The following A2ML1 variants were observed in gnomAD, a reference collection of about 807,000 sequenced individuals.
A2ML1 encodes the protein alpha-2-macroglobulin-like protein 1.
In A2ML1, 161 loss-of-function variants were observed where a neutral mutation model predicts 181.9. That is an observed-to-expected ratio of 0.89 (90% CI 0.78 to 1.01). The LOEUF (loss-of-function observed/expected upper bound fraction) is 1.01. A2ML1 is among the 50% of genes least tolerant of loss of function. The pLI is 0.00. For synonymous variants in A2ML1, 663 were observed against 666.8 expected, an observed-to-expected ratio of 0.99 and a Z score of 0.09; for missense variants, 1,670 against 1,768.1, an observed-to-expected ratio of 0.94 and a Z score of 1.00.
At chr12:8,829,656 A>AG in intron 3 of A2ML1, 71 bp from the exon 4 acceptor site, 1 of 308,094 alleles carries the variant, frequency 3.2e-6, no homozygotes. Flanking sequence ...CCCTGTATCA[A>AG]AAAAAAAAAA....
chr12:8,872,308 T>G (rs73236254), intron 33 of A2ML1, among the ~76,000 whole-genome samples: 7,040 of 152,190 alleles, frequency 0.046, 516 homozygotes, highest in African/African-American at 0.16. Flanking sequence ...TTTGTTTCAG[T>G]GTCCCTTTAT....
chr12:8,853,764 A>G (rs1990478), intron 20 of A2ML1, among the ~76,000 whole-genome samples: 66,810 of 152,058 alleles, frequency 0.44, 15,410 homozygotes, highest in East Asian at 0.76. Flanking sequence ...AAAGGGGTGC[A>G]CCCAAGATGG....
At chr12:8,874,561 C>A in intron 34 of A2ML1, 34 bp downstream of exon 34, 2 of 1,513,228 alleles carry the variant, frequency 1.3e-6, no homozygotes, top group Non-Finnish European at 1.8e-6. Flanking sequence ...GATCTGAGAT[C>A]TTACCTGCAT....
intron 23 of A2ML1, among the ~76,000 whole-genome samples, 157 bp from the exon 24 acceptor site, chr12:8,857,007 T>C (rs1025347903): frequency 6.7e-6 from 1 of 149,884 alleles, no homozygotes; most frequent in Non-Finnish European, 1.5e-5. Context: ...CGGCCTCCCA[T>C]ACTGCTGGAA....
intron 23 of A2ML1, among the ~76,000 whole-genome samples, chr12:8,856,898 C>CCTT: frequency 8.0e-6 from 1 of 124,972 alleles, no homozygotes; most frequent in South Asian, 2.7e-4. Context: ...ACAGTAGGTA[C>CCTT]TTTTTTTTTT....
chr12:8,880,192 C>T (rs1043098277), downstream of A2ML1, among the ~76,000 whole-genome samples: 1 of 133,258 alleles, frequency 7.5e-6, no homozygotes, highest in Non-Finnish European at 1.6e-5. Context: ...GGTGAAACCT[C>T]GTCTGTAGTA....
intron 14 of A2ML1, among the ~76,000 whole-genome samples, chr12:8,846,640 G>T (rs1943695886): frequency 6.6e-6 from 1 of 151,982 alleles, no homozygotes; most frequent in African/African-American, 2.4e-5. Context: ...GTGAAACCGT[G>T]TCTCTACTAA....
At chr12:8,829,899 C>A in intron 4 of A2ML1, 120 bp downstream of exon 4, 1 of 1,203,890 alleles carries the variant, frequency 8.3e-7, no homozygotes, top group Non-Finnish European at 1.2e-6. Context: ...GGGTTGGAGA[C>A]TGCTGTGTGC....
At chr12:8,849,380 C>T (rs1339587133) in intron 16 of A2ML1, among the ~76,000 whole-genome samples, 1 of 152,138 alleles carries the variant, frequency 6.6e-6, no homozygotes, top group Non-Finnish European at 1.5e-5. Flanking sequence ...GGTCCCTACC[C>T]TCAGCATGTT....
chr12:8,854,976 C>A (rs1944015046), intron 22 of A2ML1, 145 bp downstream of exon 22: 3 of 799,478 alleles, frequency 3.8e-6, no homozygotes, highest in Non-Finnish European at 6.0e-6. Context: ...CTCATTGCAA[C>A]CTCTGCCTCC....
intron 15 of A2ML1, among the ~76,000 whole-genome samples, chr12:8,848,137 A>T (rs1456289026): frequency 6.6e-6 from 1 of 150,960 alleles, no homozygotes; most frequent in Non-Finnish European, 1.5e-5. Flanking sequence ...TCAAAAACAA[A>T]AAAAAAAAAA....
intron 12 of A2ML1, chr12:8,844,937 T>G: frequency 7.9e-7 from 1 of 1,260,844 alleles, no homozygotes; most frequent in Non-Finnish European, 1.0e-6. Context: ...GATCACCGAG[T>G]TCTGTTTCAA....
chr12:8,846,240 A>G lies in A2ML1; in HGVS notation c.1683+18A>G, dbSNP rs1476469658. The G allele has an allele frequency of 1.9e-6, 3 of 1,613,246 alleles. No homozygotes were observed. The highest frequency in any genetic ancestry group is 2.5e-6 in the Non-Finnish European group (3 of 1,179,262). ...ACAATCAGGTAAAATGATAGCGGAG[A>G]AGGGTGAAGATAAAAGTTGGGCATA... On this transcript the variant is annotated intron_variant, in intron 14 of 35. Coordinates refer to ENST00000299698, the MANE Select transcript of A2ML1 (RefSeq NM_144670.6).
Position 8,855,591 on chromosome 12 carries a change from G to A in A2ML1, c.2847G>A (p.Leu949=), listed in dbSNP as rs763033326. ...PDSTKAYVTV[L]GDIMGTALQN... ...CGACCAAGGCTTATGTTACGGTTCTGGGTAAGCAGTTAGAGATTCTTGACT... is the reference window on the plus strand; with the variant it reads ...CGACCAAGGCTTATGTTACGGTTCTAGGTAAGCAGTTAGAGATTCTTGACT... The change falls in exon 23 of 36, where the codon CTG becomes CTA. Residue 949 remains leucine, a splice_region_variant and synonymous_variant. Coordinates refer to ENST00000299698, the MANE Select transcript of A2ML1 (RefSeq NM_144670.6). The A allele has an allele frequency of 6.2e-7, 1 of 1,614,096 alleles. No individual in the cohort carries two copies. The highest frequency in any genetic ancestry group is 1.7e-5 in the Admixed American group (1 of 60,006).
At chr12:8,822,980 G>C (rs773648442) in intron 1 of A2ML1, among the ~76,000 whole-genome samples, 3 of 152,176 alleles carry the variant, frequency 2.0e-5, no homozygotes, top group African/African-American at 7.2e-5. Context: ...ATGTGTGCTC[G>C]GTGAGGGCCT....
chr12:8,869,577 CT>C (rs574069966), intron 33 of A2ML1, among the ~76,000 whole-genome samples: 74 of 148,282 alleles, frequency 5.0e-4, no homozygotes, highest in South Asian at 2.1e-3. Context: ...TATCTACATT[CT>C]TTTTTTTTTT....
Position 8,833,500 on chromosome 12 carries a change from G to A in A2ML1, c.463-1162G>A, listed in dbSNP as rs770225498. ...CAACCTCCACTGTCCGGGTTCAAGT[G>A]ATTCTTCTGCCTCAGCCTCCGGAGT... On this transcript the variant is annotated intron_variant, in intron 4 of 35. Transcript: ENST00000299698. 5.3e-5 allele frequency among the ~76,000 whole-genome samples: 8 copies of A among 152,274 alleles called. No individual in the cohort carries two copies. The South Asian group carries it at 8.3e-4, about 16-fold the overall frequency.
Position 8,835,752 on chromosome 12 carries a change from G to A in A2ML1, c.643+86G>A, listed in dbSNP as rs1215056386. Reference sequence around the variant, plus strand: ...GGTGGAGCCGGGCGCAGTGGCTCACGCCTGTAATCCCAGGACTTTGGGAGG... The same window carrying A: ...GGTGGAGCCGGGCGCAGTGGCTCACACCTGTAATCCCAGGACTTTGGGAGG... On this transcript the variant is annotated intron_variant, in intron 6 of 35. Coordinates refer to ENST00000299698, the MANE Select transcript of A2ML1 (RefSeq NM_144670.6). The A allele has an allele frequency of 2.3e-5, 36 of 1,541,714 alleles. No homozygotes were observed. The South Asian group carries it at 3.7e-4, about 16-fold the overall frequency.
At position 8,869,205 on chromosome 12, in the gene A2ML1, T is replaced by C. The variant is rs959378735; in HGVS notation, c.4221+2T>C. The C allele has an allele frequency of 3.7e-6, 6 of 1,613,830 alleles. No homozygotes were observed. The African/African-American group carries it at 6.7e-5, about 18-fold the overall frequency. On this transcript the variant is annotated splice_donor_variant, in intron 33 of 35. Coordinates refer to ENST00000299698, the MANE Select transcript of A2ML1 (RefSeq NM_144670.6). LOFTEE classifies it high-confidence loss of function. ...ACACTTAACATTTACTTGGATGAGG[T>C]AGGTATTCAGGAACCAGATCAAAGA...
Sources: allele counts gnomAD v4.1 joint callset (sites outside exome capture counted in the v4.1 genomes callset), GRCh38; gene constraint gnomAD v4.1.1; transcripts MANE v1.5; gene names NCBI Gene and HGNC (gene_info 2026-07-23, HGNC 2026-07-21).